Variants in MASP1 observed in about 807,000 individuals in gnomAD.
MASP1 encodes the protein MBL associated serine protease 1.
MASP1 carries 59 observed loss-of-function variants against 77.1 expected under a neutral mutation model. The observed-to-expected ratio is 0.77, with a 90% CI of 0.62 to 0.95. MASP1 has a LOEUF of 0.95. Among genes scored for constraint, MASP1 ranks in the 40% least tolerant of loss-of-function variants. MASP1 has a pLI of 0.00. For missense variants in MASP1, 885 were observed against 912.9 expected, an observed-to-expected ratio of 0.97 and a Z score of 0.39; for synonymous variants, 362 against 354.5, an observed-to-expected ratio of 1.02 and a Z score of -0.24.
intron 8 of MASP1, among the ~76,000 whole-genome samples, chr3:187,246,102 C>A (rs1307248926): frequency 1.3e-5 from 2 of 152,220 alleles, no homozygotes; most frequent in Non-Finnish European, 2.9e-5. Flanking sequence ...GCCATCCCTG[C>A]TGCACGGGGC....
At chr3:187,236,631 G>A (rs903783096) in intron 10 of MASP1, 64 bp from the exon 11 acceptor site, 1 of 1,612,256 alleles carries the variant, frequency 6.2e-7, no homozygotes, top group Non-Finnish European at 8.5e-7. Flanking sequence ...CATGTGACAG[G>A]AGCCACAAAG....
Position 187,256,734 on chromosome 3 carries a change from T to C in MASP1, c.674A>G (p.Asn225Ser), listed in dbSNP as rs145045341. ...GTCAAATATGTCCTCAAACTGCAGG[T>C]TGACCATGAAACCCTCCTCCAGCTC... is the stretch of plus-strand genomic sequence containing the variant. ...TIELEEGFMV[N>S]LQFEDIFDIE... The change falls in exon 5 of 11, where the codon AAC becomes AGC. Residue 225 changes from asparagine to serine, a missense_variant. By Grantham distance (46) the Asn-to-Ser change is conservative. Coordinates refer to ENST00000296280, the MANE Select transcript of MASP1 (RefSeq NM_139125.4). The C allele has an allele frequency of 2.1e-4, 347 of 1,613,954 alleles. 1 individual carries two copies. In the African/African-American group the frequency reaches 4.0e-3, roughly 19 times the overall value.
chr3:187,230,660 T>G (rs1373941526), downstream of MASP1, among the ~76,000 whole-genome samples: 2 of 152,176 alleles, frequency 1.3e-5, no homozygotes, highest in African/African-American at 4.8e-5. Flanking sequence ...CATTTTCCAC[T>G]GGCTTGGATT....
At chr3:187,242,954 C>A in intron 9 of MASP1, 1 of 192,590 alleles carries the variant, frequency 5.2e-6, no homozygotes, top group Non-Finnish European at 1.1e-5. Context: ...CTGCCTGGAC[C>A]CCTGTCCGTA....
chr3:187,234,310 A>G lies in MASP1; in HGVS notation c.*1374T>C. 1 of 1,287,184 alleles carries G rather than the reference A, an allele frequency of 7.8e-7. No individual in the cohort carries two copies. Among genetic ancestry groups the G allele is most frequent in the Non-Finnish European group, 1.0e-6 (1 of 988,696 alleles). The allele number at this position is 1,287,184 out of a possible 1,614,324, so 79.7% of individuals were successfully genotyped here. On this transcript the variant is annotated 3_prime_UTR_variant, in exon 11 of 11. Transcript: ENST00000296280. The stretch of plus-strand genomic sequence containing the variant: ...TTCTCTGGCTGCCTTGCTCTGATGG[A>G]GATTTTCAGGAGAGAGAGCTCCAGG...
intron 3 of MASP1, among the ~76,000 whole-genome samples, chr3:187,261,922 A>C (rs1238212437): frequency 6.6e-6 from 1 of 152,260 alleles, no homozygotes; most frequent in Non-Finnish European, 1.5e-5. Flanking sequence ...TGCATGCGAC[A>C]CATGAATTAA....
At chr3:187,280,450 G>T (rs748413678) in intron 2 of MASP1, among the ~76,000 whole-genome samples, 1 of 152,160 alleles carries the variant, frequency 6.6e-6, no homozygotes, top group African/African-American at 2.4e-5. Flanking sequence ...AAATTGGAAC[G>T]TGTAATCTGC....
chr3:187,245,765 C>T (rs149466504), intron 8 of MASP1, among the ~76,000 whole-genome samples: 83 of 152,272 alleles, frequency 5.5e-4, no homozygotes, highest in African/African-American at 1.8e-3. Flanking sequence ...TGGCCAGTTC[C>T]GCACTCTGGA....
chr3:187,271,495 T>C (rs1431777304), intron 2 of MASP1, among the ~76,000 whole-genome samples: 3 of 152,152 alleles, frequency 2.0e-5, no homozygotes, highest in Non-Finnish European at 4.4e-5. Context: ...TATAGCAATA[T>C]GGAAATATTC....
intron 2 of MASP1, among the ~76,000 whole-genome samples, chr3:187,277,226 A>G (rs1717037944): frequency 6.6e-6 from 1 of 152,232 alleles, no homozygotes; most frequent in Non-Finnish European, 1.5e-5. Context: ...AGCCCTTTCC[A>G]CTGCCAGGAG....
At chr3:187,281,098 C>A (rs1053567865) in intron 2 of MASP1, among the ~76,000 whole-genome samples, 1 of 152,240 alleles carries the variant, frequency 6.6e-6, no homozygotes, top group East Asian at 1.9e-4. Context: ...CATTAACCAG[C>A]CTTGATTCGT....
chr3:187,227,569 G>A (rs1712509216), intron 11 of MASP1, among the ~76,000 whole-genome samples: 3 of 152,184 alleles, frequency 2.0e-5, no homozygotes, highest in Admixed American at 2.0e-4. Context: ...TCAGGGTCGA[G>A]GGCAGAAGTG....
rs780880572 is a variant in MASP1 at position 187,225,503 on chromosome 3, T to C, written c.1562A>G (p.His521Arg). The C allele has an allele frequency of 1.9e-6, 3 of 1,614,172 alleles. No homozygotes were observed. Among genetic ancestry groups the C allele is most frequent in the Non-Finnish European group, 2.5e-6 (3 of 1,180,022 alleles). Residue 521 changes from histidine (H) to arginine (R), a missense_variant, in exon 13 of 16, where the codon CAT becomes CGT. By Grantham distance (29) the His-to-Arg change is conservative. Coordinates refer to the MASP1 transcript ENST00000337774. ...ATTTTCATCTGACCGGAGCCTCCAA[T>C]GCTTGCCTGGGCAAGAAGAAGACAT...
chr3:187,260,095 G>C (rs1715432448), intron 4 of MASP1, among the ~76,000 whole-genome samples: 1 of 152,104 alleles, frequency 6.6e-6, no homozygotes, highest in Non-Finnish European at 1.5e-5. Flanking sequence ...TTAAAATGGA[G>C]ACCATAAGAC....
chr3:187,256,561 T>A (rs1715092768), intron 5 of MASP1, 103 bp downstream of exon 5: 1 of 1,059,036 alleles, frequency 9.4e-7, no homozygotes, highest in Non-Finnish European at 1.5e-6. Flanking sequence ...GCTGCTAGGC[T>A]CTCTATCCTG....
chr3:187,268,546 A>AAGTAG (rs2108576681), intron 2 of MASP1, among the ~76,000 whole-genome samples: 1 of 76,010 alleles, frequency 1.3e-5, no homozygotes, highest in East Asian at 4.4e-4. Context: ...AAAGAAAAGA[A>AAGTAG]AATAGAAAAG....
chr3:187,225,550 G>A (rs750449460), intron 12 of MASP1: 1 of 1,602,302 alleles, frequency 6.2e-7, no homozygotes, highest in East Asian at 2.2e-5. Context: ...GTGCAATGGA[G>A]GATAAGGTCA....
intron 2 of MASP1, among the ~76,000 whole-genome samples, chr3:187,279,155 T>G (rs1179564563): frequency 6.6e-6 from 1 of 152,234 alleles, no homozygotes; most frequent in Non-Finnish European, 1.5e-5. Flanking sequence ...AAATTTTTCC[T>G]GAAATACGTG....
chr3:187,241,991 C>T (rs897257415), intron 9 of MASP1: 11 of 193,266 alleles, frequency 5.7e-5, no homozygotes, highest in Non-Finnish European at 1.1e-4. Flanking sequence ...CCACTCCTGC[C>T]TGGCTGAGGG....
Sources: allele counts gnomAD v4.1 joint callset (sites outside exome capture counted in the v4.1 genomes callset), GRCh38; gene constraint gnomAD v4.1.1; transcripts MANE v1.5; gene names NCBI Gene and HGNC (gene_info 2026-07-23, HGNC 2026-07-21).